Variants in SNX29 observed in about 807,000 individuals in gnomAD.
SNX29 encodes sorting nexin-29.
In SNX29, 78 loss-of-function variants were observed where a neutral mutation model predicts 102.1. The ratio of observed to expected loss-of-function variants is 0.76; its 90% CI spans 0.64 to 0.92. The LOEUF (loss-of-function observed/expected upper bound fraction) is 0.92, where lower values mean the gene tolerates loss of function less well. Among genes scored for constraint, SNX29 ranks in the 40% least tolerant of loss-of-function variants. The pLI is 0.00. For synonymous variants in SNX29, 580 were observed against 414.5 expected (o/e 1.40, Z -4.85); for missense variants, 1,280 against 1,061.7 (o/e 1.21, Z -2.86).
At chr16:12,496,465 C>T (rs2088829059) in intron 19 of SNX29, among the ~76,000 whole-genome samples, 1 of 151,140 alleles carries the variant, frequency 6.6e-6, no homozygotes, top group African/African-American at 2.4e-5. Flanking sequence ...GGTCCCAAGT[C>T]ACCAGCCTGC....
At position 12,069,059 on chromosome 16, in the gene SNX29, G is replaced by C. The variant is rs1321634712; in HGVS notation, c.1246G>C (p.Ala416Pro). 2 of 1,613,786 alleles carry C rather than the reference G, an allele frequency of 1.2e-6. No individual in the cohort carries two copies. The change falls in exon 10 of 21, where the codon GCC (alanine) becomes CCC (proline). Residue 416 changes from alanine (A) to proline (P), a missense_variant and splice_region_variant. Physicochemically the swap from Ala to Pro is conservative, Grantham distance 27. Coordinates refer to ENST00000566228, the MANE Select transcript of SNX29 (RefSeq NM_032167.5). ...SGVGSYSPADAPLGSLENGTG... is the reference protein window; with the variant it reads ...SGVGSYSPADPPLGSLENGTG... ...CTGTGATTGCTCTCTCTGCACAGAT[G>C]CCCCCCTCGGAAGCCTGGAGAACGG...
At chr16:12,245,268 G>T (rs750913905) in intron 14 of SNX29, among the ~76,000 whole-genome samples, 2 of 152,116 alleles carry the variant, frequency 1.3e-5, no homozygotes, top group Non-Finnish European at 1.5e-5. Flanking sequence ...CCCAGTCTCA[G>T]TATTTTCATC....
At position 12,570,254 on chromosome 16, in the gene SNX29, G is replaced by A. The variant is rs141079929; in HGVS notation, c.*1625G>A. ...CCCCGGTGAGACCAAATGAGCTGGA[G>A]CATGTATGGAGGTGCGGACCCTGCA... On this transcript the variant is annotated 3_prime_UTR_variant, in exon 21 of 21. Coordinates refer to ENST00000566228, the MANE Select transcript of SNX29 (RefSeq NM_032167.5). 2.6e-5 allele frequency: 28 copies of A among 1,065,262 alleles called. No individual in the cohort carries two copies. The East Asian group carries it at 4.5e-4, about 17-fold the overall frequency. The allele number at this position is 1,065,262 out of a possible 1,614,324, so 66.0% of individuals were successfully genotyped here.
At chr16:12,446,984 G>A (rs1326577388) in intron 18 of SNX29, among the ~76,000 whole-genome samples, 1 of 151,404 alleles carries the variant, frequency 6.6e-6, no homozygotes, top group Non-Finnish European at 1.5e-5. Context: ...GACCAACATG[G>A]TGAGACCCCG....
At chr16:12,545,796 T>G (rs1482188861) in intron 20 of SNX29, among the ~76,000 whole-genome samples, 1 of 151,988 alleles carries the variant, frequency 6.6e-6, no homozygotes, top group Admixed American at 6.6e-5. Flanking sequence ...CCACTAGGCA[T>G]ACAGGGGCCT....
chr16:12,215,840 C>T (rs551067718), intron 14 of SNX29, among the ~76,000 whole-genome samples: 1 of 152,278 alleles, frequency 6.6e-6, no homozygotes, highest in African/African-American at 2.4e-5. Flanking sequence ...CAAGGCTGTA[C>T]CTTTAATTAC....
chr16:12,152,602 G>A lies in SNX29; in HGVS notation c.1595+22844G>A, dbSNP rs375359196. On this transcript the variant is annotated intron_variant, in intron 13 of 20. Coordinates refer to ENST00000566228, the MANE Select transcript of SNX29 (RefSeq NM_032167.5). ...CCATCTTCAAACCAGTGAGAGACAC[G>A]GTGTTTCTGAGGCTCTTTCCATTTT... Among the ~76,000 whole-genome samples the A allele has an allele frequency of 7.2e-5, 11 of 152,238 alleles. No homozygotes were observed. The East Asian group carries it at 1.2e-3, about 16-fold the overall frequency.
chr16:12,209,204 CTG>C (rs1567313895), intron 14 of SNX29, among the ~76,000 whole-genome samples: 1 of 152,096 alleles, frequency 6.6e-6, no homozygotes, highest in African/African-American at 2.4e-5. Flanking sequence ...TGTCCTAACT[CTG>C]TGACGGTTTG....
chr16:12,504,712 T>C (rs1032534787), intron 19 of SNX29, among the ~76,000 whole-genome samples: 1 of 152,244 alleles, frequency 6.6e-6, no homozygotes, highest in African/African-American at 2.4e-5. Context: ...TGATTATTGT[T>C]GTTAATCTCT....
intron 20 of SNX29, chr16:12,560,906 C>G (rs903054062): frequency 2.1e-5 from 4 of 194,630 alleles, no homozygotes; most frequent in Non-Finnish European, 4.3e-5. Flanking sequence ...CTTTTTTAAT[C>G]CTTTTAAAAT....
At chr16:12,408,156 T>C (rs2084244004) in intron 18 of SNX29, among the ~76,000 whole-genome samples, 1 of 74,446 alleles carries the variant, frequency 1.3e-5, no homozygotes, top group African/African-American at 4.6e-5. Flanking sequence ...AGGACCCTTC[T>C]CAAAAAAACA....
Position 12,572,113 on chromosome 16 carries a change from C to T in SNX29, c.*3484C>T, listed in dbSNP as rs2079200642. ...GAGGGATGTGGACTGGGTCTGATCA[C>T]AGCCCTTGGCCCTGCTTCATACTTT... is the stretch of plus-strand genomic sequence containing the variant. On this transcript the variant is annotated 3_prime_UTR_variant, in exon 21 of 21. Transcript: ENST00000566228. The T allele has an allele frequency of 3.8e-6, 4 of 1,046,180 alleles. No individual in the cohort carries two copies. The highest frequency in any genetic ancestry group is 9.3e-5 in the South Asian group (2 of 21,582). 64.8% of individuals were successfully genotyped at this position (1,046,180 alleles called of 1,614,324 possible).
chr16:12,353,778 G>T (rs1204102520), intron 15 of SNX29, among the ~76,000 whole-genome samples: 1 of 152,236 alleles, frequency 6.6e-6, no homozygotes, highest in Admixed American at 6.5e-5. Flanking sequence ...GGAGAGAAAG[G>T]CTGGGGCTGC....
intron 19 of SNX29, among the ~76,000 whole-genome samples, chr16:12,490,048 T>C (rs2088465335): frequency 6.6e-6 from 1 of 152,140 alleles, no homozygotes; most frequent in African/African-American, 2.4e-5. Context: ...TCAAGTGATC[T>C]GCCCACCTCA....
intron 18 of SNX29, chr16:12,443,046 C>T (rs747904709): frequency 2.2e-5 from 10 of 455,852 alleles, no homozygotes; most frequent in South Asian, 1.6e-4. Flanking sequence ...ATGAAAACAG[C>T]CAGCAGGCCA....
At chr16:12,060,854 A>G (rs1193167069) in intron 8 of SNX29, 1 of 456,300 alleles carries the variant, frequency 2.2e-6, no homozygotes, top group South Asian at 1.5e-5. Flanking sequence ...AGGTGACAGT[A>G]TAACAGATCA....
At chr16:12,070,167 C>T (rs554227141) in intron 10 of SNX29, among the ~76,000 whole-genome samples, 1 of 151,942 alleles carries the variant, frequency 6.6e-6, no homozygotes. Context: ...ATTGAGTTCT[C>T]CCAAGTTGTT....
At chr16:12,526,871 G>A (rs1485996579) in intron 20 of SNX29, 5 of 400,134 alleles carry the variant, frequency 1.2e-5, no homozygotes, top group Admixed American at 1.2e-4. Flanking sequence ...ACGTTAATGC[G>A]AGCCTGTCGG....
chr16:12,505,549 G>A (rs2089334028), intron 19 of SNX29, among the ~76,000 whole-genome samples: 2 of 152,160 alleles, frequency 1.3e-5, no homozygotes, highest in Admixed American at 1.3e-4. Context: ...ACATGATGCT[G>A]TGGGATATGT....
Sources: gnomAD v4.1 joint callset for allele counts (sites outside exome capture counted in the v4.1 genomes callset) on GRCh38, gnomAD v4.1.1 for gene constraint, MANE v1.5 for transcripts, NCBI Gene and HGNC (gene_info 2026-07-23, HGNC 2026-07-21) for gene names.